SLIT1: variants seen among roughly 807,000 people sequenced by gnomAD.
The protein encoded by SLIT1 is slit homolog 1 protein.
A neutral mutation model predicts 186.1 loss-of-function variants in SLIT1; 66 were observed. That is an observed-to-expected ratio of 0.35 (90% CI 0.29 to 0.44). The LOEUF (loss-of-function observed/expected upper bound fraction) is 0.44. Ranked by LOEUF, SLIT1 falls within the 20% of genes least tolerant of loss-of-function variation. The pLI, the probability that SLIT1 is intolerant of heterozygous loss-of-function variation, is 1.00. For synonymous variants in SLIT1, 761 were observed against 833.8 expected (o/e 0.91, Z 1.50); for missense variants, 1,638 against 2,037.4 (o/e 0.80, Z 3.77).
rs1394196978 is a variant in SLIT1, at chr10:97,181,014, C to T, written c.197+4464G>A. 4.6e-5 allele frequency among the ~76,000 whole-genome samples: 7 copies of T among 152,216 alleles called. No homozygotes were observed. In the East Asian group the frequency reaches 5.8e-4, roughly 13 times the overall value. The stretch of plus-strand genomic sequence containing the variant: ...GGGCGAACACCAGCCACTTACCAAG[C>T]GTGGCACGCTGCCTCACTTACTCCT... On this transcript the variant is annotated intron_variant, in intron 1 of 36. Transcript: ENST00000266058.
chr10:97,158,565 G>A (rs1459537442), intron 3 of SLIT1, among the ~76,000 whole-genome samples: 2 of 151,692 alleles, frequency 1.3e-5, no homozygotes, highest in Non-Finnish European at 2.9e-5. Context: ...GGGAGGCTGA[G>A]GCAGGAGAAT....
intron 26 of SLIT1, among the ~76,000 whole-genome samples, chr10:97,019,867 A>G (rs1008904950): frequency 1.3e-5 from 2 of 152,206 alleles, no homozygotes. Context: ...CCTGCTGAAG[A>G]GGCATGAGCA....
At chr10:97,001,499 C>T in intron 36 of SLIT1, 149 bp from the exon 37 acceptor site, 5 of 643,094 alleles carry the variant, frequency 7.8e-6, no homozygotes, top group South Asian at 3.7e-5. Flanking sequence ...CCCCAGCATA[C>T]TTCCGCCTCC....
At chr10:97,142,430 T>A (rs1251538018) in intron 4 of SLIT1, among the ~76,000 whole-genome samples, 1 of 152,306 alleles carries the variant, frequency 6.6e-6, no homozygotes, top group East Asian at 1.9e-4. Flanking sequence ...TGCAAAAGAA[T>A]GAAGTTGGAC....
chr10:97,003,084 C>G, intron 34 of SLIT1, 92 bp from the exon 35 acceptor site: 4 of 1,268,420 alleles, frequency 3.2e-6, no homozygotes, highest in Admixed American at 2.0e-5. Context: ...CATGGCCTTC[C>G]CTCTTGCCTG....
At chr10:97,069,462 G>A (rs1848982461) in intron 4 of SLIT1, among the ~76,000 whole-genome samples, 1 of 152,220 alleles carries the variant, frequency 6.6e-6, no homozygotes, top group South Asian at 2.1e-4. Context: ...GTCTGCTGGG[G>A]ACCCCCAAAG....
At chr10:97,090,405 T>G (rs1052386572) in intron 4 of SLIT1, among the ~76,000 whole-genome samples, 1 of 149,024 alleles carries the variant, frequency 6.7e-6, no homozygotes, top group African/African-American at 2.5e-5. Flanking sequence ...GAGCTGGAAG[T>G]GTCAGGGAAT....
rs192735970 is a variant in SLIT1, at chr10:97,080,152, G to A, written c.414-14066C>T. Among the ~76,000 whole-genome samples, 497 of 152,264 alleles carry A rather than the reference G, an allele frequency of 3.3e-3. 1 individual carries two copies. The highest frequency in any genetic ancestry group is 6.1e-3 in the Non-Finnish European group (413 of 68,024). ...GGGCCCCGGGCTTCTCACAGCCTAG[G>A]GGGACTTCGGGGAATGGTATCTTAC... On this transcript the variant is annotated intron_variant, in intron 4 of 36. Transcript: ENST00000266058.
In SLIT1 at chr10:97,047,789, A is replaced by T; in HGVS notation, c.1535T>A (p.Val512Asp). The change falls in exon 16 of 37, where the codon GTC (valine) becomes GAC (aspartate). Residue 512 changes from valine (V) to aspartate (D), a missense_variant. By Grantham distance (152) the Val-to-Asp change is radical (BLOSUM62 -3). This residue lies in a region of SLIT1 where 1,245 missense variants were observed against 1,535.3 expected (regional missense o/e 0.81). Transcript: ENST00000266058. ...QLNSECNSDV[V>D]CPHKCRCEAN... ...CTCACAGCGGCACTTGTGGGGACAG[A>T]CCACGTCGCTGTTGCACTCGCTGTT... is the stretch of plus-strand genomic sequence containing the variant. 6.2e-7 allele frequency: 1 copy of T among 1,614,064 alleles called. No individual in the cohort carries two copies.
Position 97,019,079 on chromosome 10 carries a change from C to T in SLIT1, c.2775G>A (p.Lys925=). The change falls in exon 27 of 37, where the codon AAG becomes AAA. Residue 925 remains lysine, a synonymous_variant. Coordinates refer to ENST00000266058, the MANE Select transcript of SLIT1 (RefSeq NM_003061.3). The part of the protein sequence containing the change: ...QGPPTLAVQA[K]CDLCLSSPCQ... ...ACGGACTGGACAAGCAGAGATCACA[C>T]TTGGCCTGGACAGCCAGCGTTGGAG... 1 of 1,613,972 alleles carries T rather than the reference C, an allele frequency of 6.2e-7. No homozygotes were observed. The highest frequency in any genetic ancestry group is 8.5e-7 in the Non-Finnish European group (1 of 1,179,924).
In SLIT1 at chr10:97,037,734, G is replaced by A. The variant is rs1426360348; in HGVS notation, c.2330C>T (p.Pro777Leu). 6 of 1,609,676 alleles carry A rather than the reference G, an allele frequency of 3.7e-6. No individual in the cohort carries two copies. Among genetic ancestry groups the A allele is most frequent in the East Asian group, 2.2e-5 (1 of 44,730 alleles). Residue 777 changes from proline to leucine, a missense_variant, in exon 22 of 37, where the codon CCG (proline) becomes CTG (leucine). Coordinates refer to ENST00000266058, the MANE Select transcript of SLIT1 (RefSeq NM_003061.3). ...YLDGNQFTLV[P>L]GQLSTFKYLQ... Reference sequence around the variant, plus strand: ...GTACTTGAAGGTAGACAGCTGTCCCGGAACCAGCGTGAACTGGTTCCCGTC... The same window carrying A: ...GTACTTGAAGGTAGACAGCTGTCCCAGAACCAGCGTGAACTGGTTCCCGTC...
At chr10:97,155,863 T>TCAGCAGAGAAAGAA (rs1849944037) in intron 4 of SLIT1, among the ~76,000 whole-genome samples, 1 of 152,146 alleles carries the variant, frequency 6.6e-6, no homozygotes, top group African/African-American at 2.4e-5. Context: ...CACTTGCAAG[T>TCAGCAGAGAAAGAA]CAGCAGAGAA....
At position 97,019,114 on chromosome 10, in the gene SLIT1, C is replaced by CA; in HGVS notation, c.2747-8dup. The CA allele has an allele frequency of 1.3e-6, 2 of 1,520,768 alleles. No homozygotes were observed. Among genetic ancestry groups the CA allele is most frequent in the East Asian group, 4.5e-5 (2 of 44,388 alleles). The allele number at this position is 1,520,768 out of a possible 1,614,324, so 94.2% of individuals were successfully genotyped here. A position where few individuals can be genotyped will look rare whatever the true frequency, so the allele number is the denominator to read the frequency against. On this transcript the variant is annotated splice_polypyrimidine_tract_variant and splice_region_variant and intron_variant, in intron 26 of 36. Coordinates refer to ENST00000266058, the MANE Select transcript of SLIT1 (RefSeq NM_003061.3). ...ACAGCCAGCGTTGGAGGACCTGCAG[C>CA]AAGGGGAGGGTGCTAGTGCAGGGGG...
chr10:97,112,304 G>A (rs1177691689), intron 4 of SLIT1, among the ~76,000 whole-genome samples: 1 of 152,032 alleles, frequency 6.6e-6, no homozygotes, highest in Admixed American at 6.6e-5. Flanking sequence ...AGAGCGCCCT[G>A]TGGTACTCAC....
Position 97,047,722 on chromosome 10 carries a change from G to A in SLIT1, c.1602C>T (p.Ile534=). Residue 534 remains isoleucine, a synonymous_variant, in exon 16 of 37, where the codon ATC becomes ATT. Coordinates refer to ENST00000266058, the MANE Select transcript of SLIT1 (RefSeq NM_003061.3). ...VECSSLKLTK[I]PERIPQSTAE... is the part of the protein sequence containing the mutation. The stretch of plus-strand genomic sequence containing the variant: ...CCGTGGACTGGGGGATGCGCTCAGG[G>A]ATCTTGGTGAGCTTCAGGCTGGAGC... The A allele has an allele frequency of 3.7e-6, 6 of 1,614,008 alleles. No homozygotes were observed. The highest frequency in any genetic ancestry group is 5.1e-6 in the Non-Finnish European group (6 of 1,180,042).
intron 8 of SLIT1, 65 bp downstream of exon 8, chr10:97,063,390 G>C: frequency 6.4e-7 from 1 of 1,565,678 alleles, no homozygotes; most frequent in East Asian, 2.2e-5. Context: ...GAGATTAGGG[G>C]CGGGAACAAG....
intron 4 of SLIT1, among the ~76,000 whole-genome samples, chr10:97,083,565 A>G (rs936337560): frequency 1.3e-5 from 2 of 152,178 alleles, no homozygotes; most frequent in Non-Finnish European, 2.9e-5. Flanking sequence ...CTGTTTTAGA[A>G]CTTAGATGCT....
At chr10:97,067,675 T>C (rs1463537625) in intron 4 of SLIT1, among the ~76,000 whole-genome samples, 1 of 152,060 alleles carries the variant, frequency 6.6e-6, no homozygotes, top group East Asian at 1.9e-4. Flanking sequence ...AGCTCTGAGA[T>C]GTGAAGTAAC....
intron 4 of SLIT1, among the ~76,000 whole-genome samples, chr10:97,148,138 T>C (rs554509576): frequency 6.6e-6 from 1 of 152,060 alleles, no homozygotes; most frequent in South Asian, 2.1e-4. Context: ...TGCCCTCAAT[T>C]CTCCTGCCTA....
Sources: allele counts gnomAD v4.1 joint callset (sites outside exome capture counted in the v4.1 genomes callset), GRCh38; gene constraint gnomAD v4.1.1; regional missense constraint gnomAD v4.1.1; transcripts MANE v1.5; gene names NCBI Gene and HGNC (gene_info 2026-07-23, HGNC 2026-07-21).